SLC35D4: variants seen among roughly 807,000 people sequenced by gnomAD.
SLC35D4 encodes the protein UDP-N-acetylglucosamine transporter SLC35D4.
At chr18:23,314,092 C>T in the SLC35D4 span, among the ~76,000 whole-genome samples, 12 of 152,298 alleles carry the variant, frequency 7.9e-5, no homozygotes, top group African/African-American at 9.6e-5. Flanking sequence ...GATGCTCCAG[C>T]GGACACTACA....
At chr18:23,300,901 C>T in the SLC35D4 span, among the ~76,000 whole-genome samples, 377 of 152,366 alleles carry the variant, frequency 2.5e-3, no homozygotes, top group African/African-American at 8.9e-3. Context: ...GGACCGAAGC[C>T]TCCATCTAAA....
the SLC35D4 span, among the ~76,000 whole-genome samples, chr18:23,291,881 C>T: frequency 7.2e-5 from 11 of 151,898 alleles, no homozygotes; most frequent in East Asian, 9.7e-4. Context: ...TGCTTCTCTC[C>T]GGGCTGGGCT....
the SLC35D4 span, among the ~76,000 whole-genome samples, chr18:23,434,979 G>A: frequency 1.1e-4 from 16 of 151,886 alleles, no homozygotes; most frequent in East Asian, 2.9e-3. Flanking sequence ...CCAACATGAC[G>A]AAACTCCATC....
At chr18:23,348,504 T>G in the SLC35D4 span, among the ~76,000 whole-genome samples, 1 of 152,248 alleles carries the variant, frequency 6.6e-6, no homozygotes, top group African/African-American at 2.4e-5. Context: ...TTCACATACC[T>G]TGGGTGCTGT....
At chr18:23,279,623 A>G in the SLC35D4 span, among the ~76,000 whole-genome samples, 9 of 152,122 alleles carry the variant, frequency 5.9e-5, no homozygotes, top group Non-Finnish European at 1.2e-4. Flanking sequence ...GGAAGACAAC[A>G]TGAAGACACA....
the SLC35D4 span, among the ~76,000 whole-genome samples, chr18:23,396,803 G>T: frequency 6.0e-4 from 92 of 152,146 alleles, no homozygotes; most frequent in Non-Finnish European, 1.2e-3. Flanking sequence ...TCCTCGAGAA[G>T]ATAAGGAGTT....
chr18:23,377,752 G>A, the SLC35D4 span: 2 of 1,285,484 alleles, frequency 1.6e-6, no homozygotes, highest in Non-Finnish European at 2.1e-6. Context: ...TTGATCAAGA[G>A]GCAAATAAAT....
chr18:23,314,490 C>A, the SLC35D4 span, among the ~76,000 whole-genome samples: 2 of 152,208 alleles, frequency 1.3e-5, no homozygotes, highest in Non-Finnish European at 2.9e-5. Flanking sequence ...TCTGACACCA[C>A]CTTCAATGAG....
the SLC35D4 span, among the ~76,000 whole-genome samples, chr18:23,407,997 G>C: frequency 6.6e-6 from 1 of 152,136 alleles, no homozygotes; most frequent in African/African-American, 2.4e-5. Flanking sequence ...CCTCAGGGCT[G>C]GCTGCTGTTT....
the SLC35D4 span, among the ~76,000 whole-genome samples, chr18:23,302,595 T>C: frequency 6.6e-6 from 1 of 152,184 alleles, no homozygotes; most frequent in Non-Finnish European, 1.5e-5. Context: ...AGGAGGATAA[T>C]GACATATATA....
At chr18:23,392,375 G>A in the SLC35D4 span, among the ~76,000 whole-genome samples, 1 of 152,198 alleles carries the variant, frequency 6.6e-6, no homozygotes, top group African/African-American at 2.4e-5. Context: ...ACATTTAAGT[G>A]AATATTCATA....
the SLC35D4 span, among the ~76,000 whole-genome samples, chr18:23,326,988 C>T: frequency 6.6e-6 from 1 of 152,158 alleles, no homozygotes; most frequent in Non-Finnish European, 1.5e-5. Flanking sequence ...TAAAGATGTG[C>T]TTTGAAACCA....
chr18:23,331,282 A>C, the SLC35D4 span: 2 of 152,262 alleles, frequency 1.3e-5, no homozygotes, highest in African/African-American at 4.8e-5. Flanking sequence ...CGAGCTGAAG[A>C]TCTGTTAGAA....
At chr18:23,347,982 T>C in the SLC35D4 span, among the ~76,000 whole-genome samples, 1 of 152,226 alleles carries the variant, frequency 6.6e-6, no homozygotes, top group Non-Finnish European at 1.5e-5. Context: ...TTTACAGATA[T>C]AAATTTCCCT....
At chr18:23,342,947 G>T in the SLC35D4 span, among the ~76,000 whole-genome samples, 1 of 150,834 alleles carries the variant, frequency 6.6e-6, no homozygotes, top group Non-Finnish European at 1.5e-5. Flanking sequence ...TTTTGAAATG[G>T]AGTCTTGATC....
chr18:23,420,024 C>T, the SLC35D4 span, among the ~76,000 whole-genome samples: 1 of 152,074 alleles, frequency 6.6e-6, no homozygotes, highest in Non-Finnish European at 1.5e-5. Flanking sequence ...AAGGGAATCG[C>T]CGGGCACAGT....
the SLC35D4 span, chr18:23,253,693 T>C: frequency 2.5e-6 from 4 of 1,580,560 alleles, no homozygotes; most frequent in Non-Finnish European, 3.5e-6. Context: ...CTCTAAGTTT[T>C]CACAAGACTG....
chr18:23,362,816 T>C, the SLC35D4 span, among the ~76,000 whole-genome samples: 1 of 152,202 alleles, frequency 6.6e-6, no homozygotes, highest in Non-Finnish European at 1.5e-5. Flanking sequence ...GGATGATGCA[T>C]AAGTAATTAA....
At chr18:23,319,302 G>A in the SLC35D4 span, among the ~76,000 whole-genome samples, 6 of 148,598 alleles carry the variant, frequency 4.0e-5, no homozygotes, top group East Asian at 2.0e-4. Context: ...ATGGAGTCTC[G>A]CTCTGTTGCC....
Sources: gnomAD v4.1 joint callset for allele counts (sites outside exome capture counted in the v4.1 genomes callset) on GRCh38, gnomAD v4.1.1 for gene constraint, MANE v1.5 for transcripts, NCBI Gene and HGNC (gene_info 2026-07-23, HGNC 2026-07-21) for gene names.